The following FGF14 variants were observed in gnomAD, a reference collection of about 807,000 sequenced individuals.
FGF14 encodes the protein fibroblast growth factor homologous factor 4.
In FGF14, 5 loss-of-function variants were observed where a neutral mutation model predicts 25.5. The observed-to-expected ratio is 0.20, with a 90% CI of 0.10 to 0.41. The LOEUF (loss-of-function observed/expected upper bound fraction) is 0.41, where lower values mean the gene tolerates loss of function less well. FGF14 is among the 10% of genes least tolerant of loss of function. The pLI is 1.00. For synonymous variants in FGF14, 138 were observed against 118.3 expected (o/e 1.17, Z -1.08); for missense variants, 222 against 320.1 (o/e 0.69, Z 2.34).
intron 1 of FGF14, among the ~76,000 whole-genome samples, chr13:101,897,477 T>C (rs535632929): frequency 6.6e-6 from 1 of 152,292 alleles, no homozygotes; most frequent in South Asian, 2.1e-4. Context: ...CTCCAGTCTT[T>C]GCAGGGTGCT....
At chr13:102,316,959 A>G (rs2056053980) in intron 1 of FGF14, among the ~76,000 whole-genome samples, 1 of 151,464 alleles carries the variant, frequency 6.6e-6, no homozygotes, top group African/African-American at 2.5e-5. Context: ...ACCTCATGAT[A>G]CTCATGATAC....
chr13:102,396,931 G>A (rs1361363594), intron 1 of FGF14, among the ~76,000 whole-genome samples: 1 of 152,138 alleles, frequency 6.6e-6, no homozygotes, highest in Non-Finnish European at 1.5e-5. Context: ...GGAGTCTAAG[G>A]CCAACTAATA....
intron 2 of FGF14, among the ~76,000 whole-genome samples, chr13:101,873,550 A>G (rs1396212567): frequency 6.6e-6 from 1 of 152,110 alleles, no homozygotes; most frequent in East Asian, 1.9e-4. Flanking sequence ...GAGAACACTG[A>G]AGACATCAGA....
chr13:102,091,299 T>G (rs937002402), intron 1 of FGF14, among the ~76,000 whole-genome samples: 3 of 152,088 alleles, frequency 2.0e-5, no homozygotes, highest in African/African-American at 7.2e-5. Flanking sequence ...CAAACTACAT[T>G]CTGCTTGCCA....
intron 1 of FGF14, among the ~76,000 whole-genome samples, chr13:102,063,385 T>G (rs979218583): frequency 2.6e-5 from 4 of 152,150 alleles, no homozygotes; most frequent in African/African-American, 9.7e-5. Context: ...GAGGCCAAGA[T>G]GGGCAGACTG....
At chr13:102,247,504 A>G (rs1353118806) in intron 1 of FGF14, among the ~76,000 whole-genome samples, 1 of 152,190 alleles carries the variant, frequency 6.6e-6, no homozygotes, top group Admixed American at 6.6e-5. Context: ...AATATCACTG[A>G]TCATTAGAAA....
intron 1 of FGF14, among the ~76,000 whole-genome samples, chr13:101,935,041 C>G (rs898296470): frequency 1.2e-4 from 18 of 151,928 alleles, no homozygotes; most frequent in Non-Finnish European, 2.2e-4. Context: ...CACTGAGATA[C>G]AAAAGGAGAT....
intron 3 of FGF14, among the ~76,000 whole-genome samples, chr13:101,803,052 T>C (rs1227998964): frequency 6.6e-6 from 1 of 152,198 alleles, no homozygotes; most frequent in African/African-American, 2.4e-5. Context: ...GCTGCCATTC[T>C]TTGCTCTGGA....
chr13:102,242,081 A>G (rs1189350083), intron 1 of FGF14, among the ~76,000 whole-genome samples: 2 of 152,138 alleles, frequency 1.3e-5, no homozygotes, highest in Non-Finnish European at 2.9e-5. Flanking sequence ...GCATTGTATA[A>G]TGAGCCTCAT....
intron 3 of FGF14, among the ~76,000 whole-genome samples, chr13:101,727,367 T>A (rs2035510032): frequency 1.3e-5 from 2 of 152,038 alleles, no homozygotes; most frequent in Non-Finnish European, 2.9e-5. Flanking sequence ...TATAACCAGA[T>A]GAGGTTAGGT....
chr13:101,983,898 T>C (rs1274964493), intron 1 of FGF14, among the ~76,000 whole-genome samples: 1 of 152,116 alleles, frequency 6.6e-6, no homozygotes, highest in African/African-American at 2.4e-5. Context: ...GGAGGAGAGC[T>C]TGGGGGCTAG....
At chr13:102,328,115 T>C (rs1247448392) in intron 1 of FGF14, among the ~76,000 whole-genome samples, 2 of 152,146 alleles carry the variant, frequency 1.3e-5, no homozygotes, top group East Asian at 1.9e-4. Context: ...GTCTTCTCCA[T>C]TCTCCCTTCT....
At position 102,068,488 on chromosome 13, in the gene FGF14, G is replaced by A. The variant is rs371398164; in HGVS notation, c.209-193192C>T. 3.8e-3 allele frequency among the ~76,000 whole-genome samples: 577 copies of A among 152,298 alleles called. 6 individuals carry two copies. The highest frequency in any genetic ancestry group is 0.013 in the African/African-American group (531 of 41,566). Reference sequence around the variant, plus strand: ...TAGGTGTGGAGGGAGAGGCGCGAGCGGGAACCAGGGCTGCGTACAGTGCTT... The same window carrying A: ...TAGGTGTGGAGGGAGAGGCGCGAGCAGGAACCAGGGCTGCGTACAGTGCTT... On this transcript the variant is annotated intron_variant, in intron 1 of 4. Transcript: ENST00000376131.
At chr13:102,134,239 C>T (rs561494205) in intron 1 of FGF14, among the ~76,000 whole-genome samples, 21 of 152,212 alleles carry the variant, frequency 1.4e-4, no homozygotes, top group African/African-American at 4.6e-4. Flanking sequence ...TTCAGTCAGG[C>T]TCTAGGTTAT....
intron 1 of FGF14, among the ~76,000 whole-genome samples, chr13:101,912,326 C>T (rs889819974): frequency 6.6e-6 from 1 of 152,150 alleles, no homozygotes; most frequent in African/African-American, 2.4e-5. Flanking sequence ...AATACCATAG[C>T]TCTCATGATC....
intron 1 of FGF14, among the ~76,000 whole-genome samples, chr13:102,310,696 T>TGGGGGGG (rs1181823636): frequency 2.9e-4 from 1 of 3,478 alleles, no homozygotes; most frequent in African/African-American, 1.2e-3. Flanking sequence ...TGTGTGTGTG[T>TGGGGGGG]GGGGGGGGGG....
At chr13:101,961,285 T>TG (rs145112887) in intron 1 of FGF14, among the ~76,000 whole-genome samples, 15,664 of 152,270 alleles carry the variant, frequency 0.1, 929 homozygotes, top group Admixed American at 0.2. Flanking sequence ...TGAATGGTAC[T>TG]GCCTAGATTT....
chr13:101,984,577 A>G (rs1251840608), intron 1 of FGF14, among the ~76,000 whole-genome samples: 1 of 152,174 alleles, frequency 6.6e-6, no homozygotes, highest in Non-Finnish European at 1.5e-5. Context: ...GATATGTTCA[A>G]TTCTACATTA....
At chr13:101,834,331 T>G (rs2042817653) in intron 3 of FGF14, among the ~76,000 whole-genome samples, 1 of 152,100 alleles carries the variant, frequency 6.6e-6, no homozygotes, top group Admixed American at 6.6e-5. Context: ...ACCTTGACTA[T>G]GTCTCATTTC....
Sources: allele counts gnomAD v4.1 joint callset (sites outside exome capture counted in the v4.1 genomes callset), GRCh38; gene constraint gnomAD v4.1.1; transcripts MANE v1.5; gene names NCBI Gene and HGNC (gene_info 2026-07-23, HGNC 2026-07-21).